The following RPS6KA6 variants were observed in gnomAD, a reference collection of about 807,000 sequenced individuals.
RPS6KA6 encodes the protein ribosomal protein S6 kinase A6, also known as ribosomal protein S6 kinase alpha-6.
In RPS6KA6, 27 loss-of-function variants were observed where a neutral mutation model predicts 65.4. The observed-to-expected ratio is 0.41, with a 90% CI of 0.30 to 0.57. The LOEUF (loss-of-function observed/expected upper bound fraction) is 0.57, where lower values mean the gene tolerates loss of function less well. Among genes scored for constraint, RPS6KA6 ranks in the 20% least tolerant of loss-of-function variants. RPS6KA6 has a pLI of 0.24. For missense variants in RPS6KA6, 486 were observed against 555.6 expected (o/e 0.87, Z 1.26); for synonymous variants, 190 against 184.2 (o/e 1.03, Z -0.26).
intron 2 of RPS6KA6, among the ~76,000 whole-genome samples, chrX:84,159,259 C>T (rs997856564): frequency 9.0e-6 from 1 of 110,540 alleles, no homozygotes; most frequent in African/African-American, 3.3e-5. Context: ...CATCCCAAGG[C>T]TATGTTTATT....
chrX:84,184,829 C>CAAAAAA (rs11445430), intron 1 of RPS6KA6, among the ~76,000 whole-genome samples: 13 of 20,038 alleles, frequency 6.5e-4, no homozygotes, highest in African/African-American at 9.4e-4. Flanking sequence ...GACCCTGACT[C>CAAAAAA]AAAAAAAAAA....
intron 20 of RPS6KA6, among the ~76,000 whole-genome samples, chrX:84,082,286 T>C (rs1340382161): frequency 1.8e-5 from 2 of 111,662 alleles, no homozygotes; most frequent in Non-Finnish European, 3.8e-5. Context: ...ATCACAAGCA[T>C]TCCTATACAC....
At chrX:84,069,196 G>A (rs772402176) in intron 20 of RPS6KA6, among the ~76,000 whole-genome samples, 1 of 111,883 alleles carries the variant, frequency 8.9e-6, no homozygotes, top group South Asian at 3.7e-4. Flanking sequence ...AAACAGCATG[G>A]TGCTGGTACC....
intron 3 of RPS6KA6, 55 bp downstream of exon 3, chrX:84,156,019 CT>C: frequency 6.0e-6 from 4 of 670,698 alleles, no homozygotes; most frequent in Non-Finnish European, 9.7e-6. Flanking sequence ...TATGTGTTCA[CT>C]TTTTTTGCTA....
intron 6 of RPS6KA6, 124 bp from the exon 7 acceptor site, chrX:84,135,334 A>T: frequency 2.3e-6 from 1 of 437,921 alleles, no homozygotes; most frequent in Non-Finnish European, 3.9e-6. Context: ...AGCACAGTCA[A>T]TTCTTATTTG....
At chrX:84,071,901 T>C (rs1390086151) in intron 20 of RPS6KA6, among the ~76,000 whole-genome samples, 4 of 111,763 alleles carry the variant, frequency 3.6e-5, no homozygotes, top group African/African-American at 1.3e-4. Flanking sequence ...ATAGAAAATC[T>C]GAACAGACCA....
At chrX:84,162,268 A>C (rs926675929) in intron 2 of RPS6KA6, among the ~76,000 whole-genome samples, 2 of 111,307 alleles carry the variant, frequency 1.8e-5, no homozygotes, top group African/African-American at 3.3e-5. Flanking sequence ...CATGACAATC[A>C]CAAAGAAAAA....
intron 3 of RPS6KA6, among the ~76,000 whole-genome samples, chrX:84,152,390 G>T (rs2147571761): frequency 9.1e-6 from 1 of 110,224 alleles, no homozygotes; most frequent in Admixed American, 9.8e-5. Flanking sequence ...GTCCTTCTTT[G>T]TCATCTGAAA....
At chrX:84,138,801 TTGTGTG>T (rs3077407) in intron 6 of RPS6KA6, among the ~76,000 whole-genome samples, 8,573 of 99,072 alleles carry the variant, frequency 0.087, 347 homozygotes, top group East Asian at 0.19. Flanking sequence ...ACCTGTGTAT[TTGTGTG>T]TGTGTGTGTG....
At chrX:84,142,629 C>T (rs1156383424) in intron 6 of RPS6KA6, among the ~76,000 whole-genome samples, 1 of 111,054 alleles carries the variant, frequency 9.0e-6, no homozygotes, top group Non-Finnish European at 1.9e-5. Context: ...ACAGAGCAAA[C>T]ATGAATTACC....
At chrX:84,116,332 G>A (rs1252304559) in intron 11 of RPS6KA6, 45 bp from the exon 12 acceptor site, 1 of 772,314 alleles carries the variant, frequency 1.3e-6, no homozygotes, top group Non-Finnish European at 1.8e-6. Context: ...ATTTTTTTTA[G>A]TCTTGCTCCC....
intron 1 of RPS6KA6, among the ~76,000 whole-genome samples, chrX:84,170,657 C>CA (rs965011092): frequency 3.6e-5 from 4 of 109,593 alleles, no homozygotes; most frequent in East Asian, 2.9e-4. Context: ...AAAAACAAAA[C>CA]AAAAAAAATC....
intron 12 of RPS6KA6, among the ~76,000 whole-genome samples, chrX:84,112,105 TA>T (rs975963670): frequency 3.6e-5 from 4 of 112,037 alleles, no homozygotes; most frequent in African/African-American, 1.3e-4. Flanking sequence ...TATATAATGA[TA>T]AGGGCTCAAT....
At chrX:84,112,543 G>A (rs897888016) in intron 12 of RPS6KA6, among the ~76,000 whole-genome samples, 1 of 111,846 alleles carries the variant, frequency 8.9e-6, no homozygotes, top group Non-Finnish European at 1.9e-5. Flanking sequence ...CAAGTACATG[G>A]AAATGAAACA....
chrX:84,185,020 T>G (rs1289750025), intron 1 of RPS6KA6, among the ~76,000 whole-genome samples: 1 of 111,423 alleles, frequency 9.0e-6, no homozygotes, highest in Non-Finnish European at 1.9e-5. Flanking sequence ...ATGCATGGCA[T>G]TAAATCATGA....
intron 12 of RPS6KA6, among the ~76,000 whole-genome samples, chrX:84,111,624 C>T (rs2034472142): frequency 9.0e-6 from 1 of 110,933 alleles, no homozygotes; most frequent in South Asian, 3.8e-4. Context: ...AGTCATTAAC[C>T]GAAAAGAAAA....
chrX:84,105,945 A>C, intron 15 of RPS6KA6, 69 bp from the exon 16 acceptor site: 1 of 570,175 alleles, frequency 1.8e-6, no homozygotes, highest in African/African-American at 2.3e-5. Context: ...AGTATTTTCC[A>C]TTTGGTTATA....
chrX:84,178,185 G>A (rs768994900), intron 1 of RPS6KA6, among the ~76,000 whole-genome samples: 14 of 112,110 alleles, frequency 1.2e-4, no homozygotes, highest in Non-Finnish European at 3.8e-5. Flanking sequence ...TCTTGGCAAA[G>A]AGATAGTTTC....
At chrX:84,093,105 G>A (rs777418442) in intron 20 of RPS6KA6, among the ~76,000 whole-genome samples, 14 of 112,166 alleles carry the variant, frequency 1.2e-4, no homozygotes, top group Non-Finnish European at 2.1e-4. Flanking sequence ...ATCACATGAT[G>A]TCACTTATAT....
Sources: gnomAD v4.1 joint callset for allele counts (sites outside exome capture counted in the v4.1 genomes callset) on GRCh38, gnomAD v4.1.1 for gene constraint, MANE v1.5 for transcripts, NCBI Gene and HGNC (gene_info 2026-07-23, HGNC 2026-07-21) for gene names.